TBC1D2: variants seen among roughly 807,000 people sequenced by gnomAD.
TBC1D2 encodes the protein TBC1 domain family member 2, also known as TBC1 domain family member 2A.
In TBC1D2, 58 loss-of-function variants were observed where a neutral mutation model predicts 91.1. The observed-to-expected ratio is 0.64, with a 90% CI of 0.52 to 0.79. TBC1D2 has a LOEUF of 0.79. Among genes scored for constraint, TBC1D2 ranks in the 30% least tolerant of loss-of-function variants. The pLI is 0.00. For synonymous variants in TBC1D2, 482 were observed against 511.5 expected (o/e 0.94, Z 0.78); for missense variants, 1,080 against 1,208.3 (o/e 0.89, Z 1.57).
At chr9:98,234,220 G>T (rs573072988) in intron 3 of TBC1D2, among the ~76,000 whole-genome samples, 1 of 152,070 alleles carries the variant, frequency 6.6e-6, no homozygotes, top group African/African-American at 2.4e-5. Flanking sequence ...TTTAAGAACC[G>T]GGTACTAACC....
chr9:98,209,440 A>G (rs552943282), intron 8 of TBC1D2, among the ~76,000 whole-genome samples: 2 of 152,302 alleles, frequency 1.3e-5, no homozygotes, highest in Non-Finnish European at 2.9e-5. Context: ...TACTAATTCT[A>G]TGCAAATATA....
chr9:98,222,527 C>T (rs1205609277), intron 5 of TBC1D2, among the ~76,000 whole-genome samples: 2 of 152,236 alleles, frequency 1.3e-5, no homozygotes, highest in Non-Finnish European at 2.9e-5. Context: ...CACACAGGAA[C>T]TCAAGGTCTG....
chr9:98,210,268 C>T lies in TBC1D2; in HGVS notation c.1673+388G>A, dbSNP rs142640114. Among the ~76,000 whole-genome samples, 451 of 152,334 alleles carry T rather than the reference C, an allele frequency of 3.0e-3. 2 individuals carry two copies. Among genetic ancestry groups the T allele is most frequent in the African/African-American group, 0.01 (416 of 41,588 alleles). The stretch of plus-strand genomic sequence containing the variant: ...GCCTCCAGGGGCCTTCGAGCATAGC[C>T]ACCCTCCTTTCTGTTATATTTAACT... On this transcript the variant is annotated intron_variant, in intron 8 of 12. Coordinates refer to ENST00000465784, the MANE Select transcript of TBC1D2 (RefSeq NM_001267571.2).
chr9:98,214,070 C>G (rs2119051611), intron 6 of TBC1D2, among the ~76,000 whole-genome samples: 1 of 152,354 alleles, frequency 6.6e-6, no homozygotes, highest in Non-Finnish European at 1.5e-5. Context: ...GTAACACATT[C>G]TTAGAGCTAT....
Position 98,233,474 on chromosome 9 carries a change from T to C in TBC1D2, c.723A>G (p.Pro241=). The change falls in exon 4 of 13, where the codon CCA becomes CCG. Residue 241 remains proline (P), a synonymous_variant. Coordinates refer to ENST00000465784, the MANE Select transcript of TBC1D2 (RefSeq NM_001267571.2). ...TGHEPPGEDS[P]QSGEPQREEQ... ...CCTCCCTCTGAGGCTCCCCACTCTG[T>C]GGAGAATCTTCCCCTGGAGGTTCAT... is the stretch of plus-strand genomic sequence containing the variant. 6.2e-7 allele frequency: 1 copy of C among 1,614,118 alleles called. No individual in the cohort carries two copies. Among genetic ancestry groups the C allele is most frequent in the Non-Finnish European group, 8.5e-7 (1 of 1,179,946 alleles).
chr9:98,201,686 T>C, intron 10 of TBC1D2, 22 bp from the exon 11 acceptor site: 2 of 1,600,176 alleles, frequency 1.2e-6, no homozygotes, highest in Non-Finnish European at 1.7e-6. Context: ...CGAGAGGGCC[T>C]GTCATCTGCA....
chr9:98,223,623 C>T (rs1829151886), intron 5 of TBC1D2, among the ~76,000 whole-genome samples: 1 of 138,526 alleles, frequency 7.2e-6, no homozygotes, highest in South Asian at 2.3e-4. Flanking sequence ...CAGTGGGTGT[C>T]TTTCCCTCAA....
chr9:98,232,310 G>C (rs927501490), intron 4 of TBC1D2, among the ~76,000 whole-genome samples: 3 of 143,484 alleles, frequency 2.1e-5, no homozygotes, highest in Non-Finnish European at 3.0e-5. Flanking sequence ...TGCTCCAAAG[G>C]GTGCTTTTTC....
At chr9:98,243,671 G>A (rs1222291500) in intron 3 of TBC1D2, among the ~76,000 whole-genome samples, 1 of 151,734 alleles carries the variant, frequency 6.6e-6, no homozygotes, top group African/African-American at 2.4e-5. Flanking sequence ...TGAGTAGCTG[G>A]GATTATAGGC....
chr9:98,231,649 A>T (rs1182495089), intron 4 of TBC1D2, among the ~76,000 whole-genome samples: 1 of 152,220 alleles, frequency 6.6e-6, no homozygotes, highest in African/African-American at 2.4e-5. Context: ...TTTTCAACTT[A>T]TGGTGGATTT....
intron 3 of TBC1D2, among the ~76,000 whole-genome samples, chr9:98,240,923 G>A (rs757041180): frequency 2.0e-5 from 3 of 152,096 alleles, no homozygotes; most frequent in Non-Finnish European, 4.4e-5. Flanking sequence ...TTAATTCCAG[G>A]TCTGCAAGGC....
chr9:98,208,587 C>T lies in TBC1D2; in HGVS notation c.2150+81G>A, dbSNP rs923482545. On this transcript the variant is annotated intron_variant, in intron 9 of 12. Coordinates refer to ENST00000465784, the MANE Select transcript of TBC1D2 (RefSeq NM_001267571.2). ...CGGCCCCTTAACAGGCCACAGATGG[C>T]TGCCTGTCCACAGTCTGAGGGTTGG... 21 of 1,412,160 alleles carry T rather than the reference C, an allele frequency of 1.5e-5. No homozygotes were observed. In the African/African-American group the frequency reaches 2.6e-4, roughly 17 times the overall value. The allele number at this position is 1,412,160 out of a possible 1,614,324, so 87.5% of individuals were successfully genotyped here. A position where few individuals can be genotyped will look rare whatever the true frequency, so the allele number is the denominator to read the frequency against.
At chr9:98,200,412 G>A (rs767642405) in intron 11 of TBC1D2, 38 bp from the exon 12 acceptor site, 40 of 1,555,912 alleles carry the variant, frequency 2.6e-5, no homozygotes, top group Non-Finnish European at 3.1e-5. Flanking sequence ...GGCATGGGGG[G>A]GCCAGGCAGG....
chr9:98,252,057 G>T, intron 1 of TBC1D2, 131 bp from the exon 2 acceptor site: 1 of 1,182,348 alleles, frequency 8.5e-7, no homozygotes, highest in Non-Finnish European at 1.2e-6. Context: ...GGTCACTGTA[G>T]GTATGTATGC....
At chr9:98,247,071 T>C (rs1237136844) in intron 2 of TBC1D2, among the ~76,000 whole-genome samples, 2 of 150,984 alleles carry the variant, frequency 1.3e-5, no homozygotes, top group African/African-American at 4.9e-5. Flanking sequence ...CTCATGCCTG[T>C]AATCCCAGCA....
intron 3 of TBC1D2, among the ~76,000 whole-genome samples, chr9:98,242,810 T>G (rs1829676995): frequency 1.2e-5 from 1 of 82,466 alleles, no homozygotes; most frequent in African/African-American, 4.2e-5. Flanking sequence ...TGCCTTTTTT[T>G]TTTTTTTTTT....
Position 98,217,955 on chromosome 9 carries a change from A to G in TBC1D2, c.1374+2878T>C, listed in dbSNP as rs1370573381. On this transcript the variant is annotated intron_variant, in intron 6 of 12. Transcript: ENST00000465784. Reference sequence around the variant, plus strand: ...GGTCATGAACTCCTGGGCTTAAGCAATCCTCTAGCTTCAGCTTCCCAAGTA... The same window carrying G: ...GGTCATGAACTCCTGGGCTTAAGCAGTCCTCTAGCTTCAGCTTCCCAAGTA... Among the ~76,000 whole-genome samples, 3 of 152,020 alleles carry G rather than the reference A, an allele frequency of 2.0e-5. No individual in the cohort carries two copies. The East Asian group carries it at 5.8e-4, about 29-fold the overall frequency.
Position 98,221,053 on chromosome 9 carries a change from C to A in TBC1D2, c.1154G>T (p.Ser385Ile). 6.2e-7 allele frequency: 1 copy of A among 1,612,484 alleles called. No homozygotes were observed. Among genetic ancestry groups the A allele is most frequent in the Non-Finnish European group, 8.5e-7 (1 of 1,179,586 alleles). Residue 385 changes from serine (S) to isoleucine (I), a missense_variant, in exon 6 of 13, where the codon AGC becomes ATC. Transcript: ENST00000465784. ...CCGCAGGCTCGCTGTGTGCGCCAGGCTCTCCCGCTCCTGCTCCAGGGCCTC... is the reference window on the plus strand; with the variant it reads ...CCGCAGGCTCGCTGTGTGCGCCAGGATCTCCCGCTCCTGCTCCAGGGCCTC... ...RVEALEQERESLAHTASLREQ... is the reference protein window; with the variant it reads ...RVEALEQEREILAHTASLREQ...
rs1829305806 is a variant in TBC1D2 at position 98,229,109 on chromosome 9, G to A, written c.821C>T (p.Pro274Leu). The change falls in exon 5 of 13, where the codon CCT (proline) becomes CTT (leucine). Residue 274 changes from proline (P) to leucine (L), a missense_variant. By Grantham distance (98) the Pro-to-Leu change is moderately conservative. Transcript: ENST00000465784. ...PEDSPKPAPKPSLTISFAQKA... is the reference protein window; with the variant it reads ...PEDSPKPAPKLSLTISFAQKA... ...CTGAGCGAAACTGATGGTCAGAGAAGGCTTGGGTGCAGGCTTTGGAGAATC... is the reference window on the plus strand; with the variant it reads ...CTGAGCGAAACTGATGGTCAGAGAAAGCTTGGGTGCAGGCTTTGGAGAATC... 2 of 1,614,264 alleles carry A rather than the reference G, an allele frequency of 1.2e-6. No individual in the cohort carries two copies. The highest frequency in any genetic ancestry group is 8.5e-7 in the Non-Finnish European group (1 of 1,180,044).
Sources: gnomAD v4.1 joint callset for allele counts (sites outside exome capture counted in the v4.1 genomes callset) on GRCh38, gnomAD v4.1.1 for gene constraint, MANE v1.5 for transcripts, NCBI Gene and HGNC (gene_info 2026-07-23, HGNC 2026-07-21) for gene names.